Variants in SLC22A3 observed in about 807,000 individuals in gnomAD.
SLC22A3 encodes the protein EMT organic cation transporter 3.
A neutral mutation model predicts 59.1 loss-of-function variants in SLC22A3; 51 were observed. That is an observed-to-expected ratio of 0.86 (90% CI 0.69 to 1.09). The LOEUF (loss-of-function observed/expected upper bound fraction) is 1.09, where lower values mean the gene tolerates loss of function less well. Ranked by LOEUF, SLC22A3 falls within the 50% of genes least tolerant of loss-of-function variation. SLC22A3 has a pLI of 0.00. For missense variants in SLC22A3, 711 were observed against 726.3 expected (o/e 0.98, Z 0.24); for synonymous variants, 325 against 292.0 (o/e 1.11, Z -1.15).
At position 160,370,611 on chromosome 6, in the gene SLC22A3, A is replaced by G. The variant is rs926136998; in HGVS notation, c.429+21763A>G. ...ATACTCTCTATTCTAATACTTTGTA[A>G]TCATTAGTAATAAATAGTAGCATAT... On this transcript the variant is annotated intron_variant, in intron 1 of 10. Transcript: ENST00000275300. Among the ~76,000 whole-genome samples the G allele has an allele frequency of 3.9e-5, 6 of 152,334 alleles. No individual in the cohort carries two copies. The East Asian group carries it at 1.2e-3, about 29-fold the overall frequency.
chr6:160,356,946 G>C (rs1784859478), intron 1 of SLC22A3, among the ~76,000 whole-genome samples: 1 of 152,160 alleles, frequency 6.6e-6, no homozygotes, highest in Non-Finnish European at 1.5e-5. Flanking sequence ...TGTGATAATA[G>C]AGAAAATTAG....
chr6:160,375,054 A>G (rs982346232), intron 1 of SLC22A3, among the ~76,000 whole-genome samples: 2 of 152,208 alleles, frequency 1.3e-5, no homozygotes, highest in African/African-American at 4.8e-5. Context: ...GAAGTTGGCA[A>G]GGCAGAAATG....
intron 7 of SLC22A3, among the ~76,000 whole-genome samples, chr6:160,439,155 G>A (rs1788454845): frequency 6.6e-6 from 1 of 152,044 alleles, no homozygotes; most frequent in African/African-American, 2.4e-5. Flanking sequence ...TGAACTAGGA[G>A]GGGAATGGAG....
chr6:160,352,185 C>G (rs145539793), intron 1 of SLC22A3, among the ~76,000 whole-genome samples: 91 of 152,324 alleles, frequency 6.0e-4, no homozygotes, highest in African/African-American at 2.1e-3. Context: ...CATACACCAC[C>G]TTCGCATCTT....
Position 160,415,921 on chromosome 6 carries a change from A to G in SLC22A3, c.975+5075A>G, listed in dbSNP as rs1238190093. The stretch of plus-strand genomic sequence containing the variant: ...ATTACAGATAAGCTAAATTAACTAC[A>G]AACTAAGATTACACCAATCTCCAGA... On this transcript the variant is annotated intron_variant, in intron 5 of 10. Transcript: ENST00000275300. The surrounding 1 kb of genome is among the most constrained non-coding windows in gnomAD (Gnocchi z 4.1). Among the ~76,000 whole-genome samples, 1 of 152,226 alleles carries G rather than the reference A, an allele frequency of 6.6e-6. No homozygotes were observed. Among genetic ancestry groups the G allele is most frequent in the Non-Finnish European group, 1.5e-5 (1 of 68,048 alleles).
intron 1 of SLC22A3, among the ~76,000 whole-genome samples, chr6:160,384,546 A>AC (rs1785922622): frequency 1.3e-5 from 2 of 152,070 alleles, no homozygotes; most frequent in Non-Finnish European, 2.9e-5. Flanking sequence ...ACCAGGAAAG[A>AC]CTCAGGTGTT....
chr6:160,435,648 T>C (rs1788310569), intron 5 of SLC22A3, among the ~76,000 whole-genome samples: 2 of 152,204 alleles, frequency 1.3e-5, no homozygotes, highest in African/African-American at 4.8e-5. Flanking sequence ...CTGTGATTAC[T>C]GGTAGAGAGA....
intron 5 of SLC22A3, among the ~76,000 whole-genome samples, chr6:160,427,994 A>T (rs1259184000): frequency 1.3e-5 from 2 of 152,132 alleles, no homozygotes; most frequent in African/African-American, 4.8e-5. Flanking sequence ...TTAATTTCTG[A>T]GCCTTTAGAG....
rs561449868 is a variant in SLC22A3, at chr6:160,409,547, T to C, written c.857+626T>C. Among the ~76,000 whole-genome samples the C allele has an allele frequency of 7.3e-5, 11 of 150,446 alleles. No homozygotes were observed. In the East Asian group the frequency reaches 2.2e-3, roughly 30 times the overall value. On this transcript the variant is annotated intron_variant, in intron 4 of 10. Transcript: ENST00000275300. The stretch of plus-strand genomic sequence containing the variant: ...TTTGGGTATATACCCAGTAATGGGA[T>C]GGCTGGGTCAAATGGTATTTCTAGT...
intron 1 of SLC22A3, among the ~76,000 whole-genome samples, chr6:160,395,324 A>C (rs1465201471): frequency 2.0e-5 from 3 of 152,238 alleles, no homozygotes; most frequent in Non-Finnish European, 2.9e-5. Context: ...TTAAAAGGCA[A>C]GCTCTTGATA....
At chr6:160,401,816 A>C (rs1455323026) in intron 2 of SLC22A3, among the ~76,000 whole-genome samples, 1 of 151,942 alleles carries the variant, frequency 6.6e-6, no homozygotes, top group African/African-American at 2.4e-5. Flanking sequence ...ATTAGTTATA[A>C]ATGTATATTG....
At chr6:160,422,831 CT>C (rs1171628705) in intron 5 of SLC22A3, among the ~76,000 whole-genome samples, 3,326 of 146,522 alleles carry the variant, frequency 0.023, 126 homozygotes, top group African/African-American at 0.076. Context: ...ATGTCACCTT[CT>C]TTTTTTTTTT....
intron 1 of SLC22A3, among the ~76,000 whole-genome samples, chr6:160,377,377 C>T (rs1785634711): frequency 6.6e-6 from 1 of 151,740 alleles, no homozygotes; most frequent in African/African-American, 2.4e-5. Context: ...CCCAGCTACT[C>T]AGGAGGCTGA....
chr6:160,401,231 A>T (rs1453381126), intron 2 of SLC22A3, among the ~76,000 whole-genome samples: 1 of 152,074 alleles, frequency 6.6e-6, no homozygotes, highest in Non-Finnish European at 1.5e-5. Context: ...CAAGATAAAC[A>T]TAAAAAAGTA....
chr6:160,428,359 A>G (rs1417766043), intron 5 of SLC22A3, among the ~76,000 whole-genome samples: 1 of 152,162 alleles, frequency 6.6e-6, no homozygotes, highest in Non-Finnish European at 1.5e-5. Flanking sequence ...GCAGTGTCTC[A>G]AAGAAAGAGC....
intron 1 of SLC22A3, among the ~76,000 whole-genome samples, chr6:160,366,591 CTCTG>C (rs1338078437): frequency 6.6e-6 from 1 of 152,244 alleles, no homozygotes; most frequent in Admixed American, 6.5e-5. Context: ...CTAGTAGGGA[CTCTG>C]TCTGAGGGCT....
intron 2 of SLC22A3, among the ~76,000 whole-genome samples, chr6:160,402,135 A>G (rs1188608022): frequency 1.3e-5 from 2 of 152,012 alleles, no homozygotes; most frequent in African/African-American, 4.8e-5. Flanking sequence ...TATGTTGTCT[A>G]CAAGAAATCC....
intron 1 of SLC22A3, among the ~76,000 whole-genome samples, chr6:160,395,202 A>G (rs1305134091): frequency 6.6e-6 from 1 of 152,234 alleles, no homozygotes; most frequent in African/African-American, 2.4e-5. Context: ...TATGCCTTTT[A>G]TGGGACAGTC....
In SLC22A3 at chr6:160,348,614, G is replaced by A. The variant is rs1484065708; in HGVS notation, c.195G>A (p.Trp65Ter). Residue 65 changes from tryptophan to a stop codon, truncating the protein, a stop_gained, in exon 1 of 11, where the codon TGG becomes TGA. Coordinates refer to ENST00000275300, the MANE Select transcript of SLC22A3 (RefSeq NM_021977.4). LOFTEE classifies it high-confidence loss of function. The stretch of plus-strand genomic sequence containing the variant: ...CGGCGCTGGCCGAGCGCTGCGGCTG[G>A]AGCCCGGAGGAGGAGTGGAACCGCA... ...SAAALAERCG[W>*]SPEEEWNRTA... 1 of 1,503,726 alleles carries A rather than the reference G, an allele frequency of 6.7e-7. No individual in the cohort carries two copies. Among genetic ancestry groups the A allele is most frequent in the South Asian group, 1.2e-5 (1 of 80,996 alleles). 93.1% of individuals were successfully genotyped at this position (1,503,726 alleles called of 1,614,324 possible).
Sources: allele counts gnomAD v4.1 joint callset (sites outside exome capture counted in the v4.1 genomes callset), GRCh38; gene constraint gnomAD v4.1.1; non-coding constraint Gnocchi (gnomAD v3.1); transcripts MANE v1.5; gene names NCBI Gene and HGNC (gene_info 2026-07-23, HGNC 2026-07-21).